MTF2: variants seen among roughly 807,000 people sequenced by gnomAD.
The protein encoded by MTF2 is metal-response element-binding transcription factor 2.
In MTF2, 11 loss-of-function variants were observed where a neutral mutation model predicts 79.5. The ratio of observed to expected loss-of-function variants is 0.14; its 90% CI spans 0.09 to 0.23. The LOEUF (loss-of-function observed/expected upper bound fraction) is 0.23, where lower values mean the gene tolerates loss of function less well. MTF2 is among the 10% of genes least tolerant of loss of function. MTF2 has a pLI of 1.00. For missense variants in MTF2, 486 were observed against 711.2 expected, an observed-to-expected ratio of 0.68 and a Z score of 3.60; for synonymous variants, 208 against 232.8, an observed-to-expected ratio of 0.89 and a Z score of 0.97.
At chr1:93,086,726 G>A (rs1654854124) in intron 1 of MTF2, among the ~76,000 whole-genome samples, 2 of 152,156 alleles carry the variant, frequency 1.3e-5, no homozygotes, top group Admixed American at 1.3e-4. Context: ...AGTTTTGTTG[G>A]TGTTTGAAGA....
At chr1:93,119,881 T>G (rs1440515557) in intron 8 of MTF2, 6 of 152,990 alleles carry the variant, frequency 3.9e-5, no homozygotes, top group African/African-American at 1.2e-4. Flanking sequence ...TCAAATAGTT[T>G]GGTTAAGTAT....
chr1:93,085,347 T>C (rs982380040), intron 1 of MTF2, among the ~76,000 whole-genome samples: 1 of 151,930 alleles, frequency 6.6e-6, no homozygotes, highest in Non-Finnish European at 1.5e-5. Context: ...GGCTAATTTT[T>C]TTGTATTTTT....
chr1:93,120,759 A>AT, intron 9 of MTF2, 87 bp downstream of exon 9: 1 of 1,538,748 alleles, frequency 6.5e-7, no homozygotes, highest in East Asian at 2.5e-5. Flanking sequence ...AGACACATGT[A>AT]TAAGTCAGAC....
At chr1:93,101,568 GTTTTTTTTTTTT>G (rs71586778) in intron 1 of MTF2, among the ~76,000 whole-genome samples, 13 of 25,398 alleles carry the variant, frequency 5.1e-4, no homozygotes, top group East Asian at 1.3e-3. Flanking sequence ...GCTCAGGCTG[GTTTTTTTTTTTT>G]TTTTTTTTTT....
intron 1 of MTF2, chr1:93,080,838 T>A (rs1654575172): frequency 6.6e-6 from 1 of 152,026 alleles, no homozygotes; most frequent in Admixed American, 6.6e-5. Context: ...TAAAATGTAA[T>A]TAAATTCACA....
chr1:93,092,451 C>G (rs1456506082), intron 1 of MTF2, among the ~76,000 whole-genome samples: 1 of 152,112 alleles, frequency 6.6e-6, no homozygotes, highest in Non-Finnish European at 1.5e-5. Flanking sequence ...AATTAAAAGG[C>G]TTTTTTACCA....
chr1:93,089,267 A>G (rs1654974523), intron 1 of MTF2, among the ~76,000 whole-genome samples: 1 of 152,176 alleles, frequency 6.6e-6, no homozygotes, highest in African/African-American at 2.4e-5. Flanking sequence ...ATAAATACAT[A>G]AATAAATTTG....
Position 93,129,363 on chromosome 1 carries a change from T to G in MTF2, c.1075T>G (p.Phe359Val), listed in dbSNP as rs913484771. ...TCCTCCTGTGCCACCAAATGTGGCT[T>G]TCAAAGCAGAGAAAGAACCTGAAGG... Reference protein sequence around the residue: ...RVPPVPPNVAFKAEKEPEGTS... With the variant: ...RVPPVPPNVAVKAEKEPEGTS... The change falls in exon 11 of 15, where the codon TTC becomes GTC. Residue 359 changes from phenylalanine to valine, a missense_variant. Physicochemically the swap from Phe to Val is conservative, Grantham distance 50. This residue lies in a region of MTF2 where 177 missense variants were observed against 364.0 expected (regional missense o/e 0.49). Coordinates refer to ENST00000370298, the MANE Select transcript of MTF2 (RefSeq NM_007358.4). The G allele has an allele frequency of 1.9e-6, 3 of 1,598,056 alleles. No homozygotes were observed. The highest frequency in any genetic ancestry group is 2.7e-5 in the African/African-American group (2 of 74,734).
chr1:93,118,140 A>G (rs1445457195), intron 6 of MTF2, among the ~76,000 whole-genome samples: 1 of 152,186 alleles, frequency 6.6e-6, no homozygotes, highest in African/African-American at 2.4e-5. Flanking sequence ...AATTTCATGA[A>G]TAAAAGAGAG....
At chr1:93,092,668 T>G (rs1407374256) in intron 1 of MTF2, among the ~76,000 whole-genome samples, 2 of 152,198 alleles carry the variant, frequency 1.3e-5, no homozygotes, top group African/African-American at 4.8e-5. Flanking sequence ...ATATTCTCTG[T>G]AACATAATGT....
chr1:93,134,215 A>AT lies in MTF2; in HGVS notation c.1424+28dup, dbSNP rs751006346. 373 of 1,526,384 alleles carry AT rather than the reference A, an allele frequency of 2.4e-4. 1 individual carries two copies. The highest frequency in any genetic ancestry group is 1.3e-3 in the South Asian group (109 of 84,288). The allele number at this position is 1,526,384 out of a possible 1,614,324, so 94.6% of individuals were successfully genotyped here. A position where few individuals can be genotyped will look rare whatever the true frequency, so the allele number is the denominator to read the frequency against. On this transcript the variant is annotated intron_variant, in intron 14 of 14. Transcript: ENST00000370298. ...TTATGGGTAGATATTTTACATTCTT[A>AT]TTTTTTTTACTTTTTTTACTCTAGA...
chr1:93,080,600 C>A (rs1468132040), intron 1 of MTF2, among the ~76,000 whole-genome samples: 2 of 152,204 alleles, frequency 1.3e-5, no homozygotes, highest in Non-Finnish European at 2.9e-5. Flanking sequence ...GAGGTCAGTA[C>A]AGAGCTAGAA....
chr1:93,126,243 G>A (rs1656692912), intron 9 of MTF2, among the ~76,000 whole-genome samples: 1 of 151,846 alleles, frequency 6.6e-6, no homozygotes. Context: ...TTGAGTTCAG[G>A]TTCTAGCTCT....
intron 1 of MTF2, among the ~76,000 whole-genome samples, chr1:93,095,633 C>T (rs992028349): frequency 6.7e-6 from 1 of 149,280 alleles, no homozygotes; most frequent in East Asian, 2.0e-4. Flanking sequence ...CGTGAGCCAC[C>T]CTGCCTGGCT....
rs1482578336 is a variant in MTF2 at position 93,137,352 on chromosome 1, T to C, written c.*325T>C. 1 of 195,152 alleles carries C rather than the reference T, an allele frequency of 5.1e-6. No individual in the cohort carries two copies. The highest frequency in any genetic ancestry group is 2.3e-5 in the African/African-American group (1 of 42,804). 12.1% of individuals were successfully genotyped at this position (195,152 alleles called of 1,614,324 possible). A position where few individuals can be genotyped will look rare whatever the true frequency, so the allele number is the denominator to read the frequency against. ...CTAATTATTCCATTGAGTCAGTTTT[T>C]TGTGATTAGTGATTATCAGAGCAAA... On this transcript the variant is annotated 3_prime_UTR_variant, in exon 15 of 15. Transcript: ENST00000370298.
intron 1 of MTF2, among the ~76,000 whole-genome samples, chr1:93,108,942 T>C: frequency 6.6e-6 from 1 of 152,218 alleles, no homozygotes; most frequent in East Asian, 1.9e-4. Flanking sequence ...TTATTTCACT[T>C]AGCATAATGT....
chr1:93,085,258 C>T (rs1654788202), intron 1 of MTF2, among the ~76,000 whole-genome samples: 1 of 150,780 alleles, frequency 6.6e-6, no homozygotes, highest in African/African-American at 2.4e-5. Flanking sequence ...TCAGTGCAAG[C>T]TCCGCCTCCC....
At chr1:93,122,186 T>C (rs1347945936) in intron 9 of MTF2, among the ~76,000 whole-genome samples, 1 of 152,168 alleles carries the variant, frequency 6.6e-6, no homozygotes, top group Non-Finnish European at 1.5e-5. Flanking sequence ...TTTTTATAAT[T>C]ATCTTAATAT....
intron 6 of MTF2, among the ~76,000 whole-genome samples, chr1:93,117,387 C>T (rs1473874573): frequency 6.6e-6 from 1 of 152,046 alleles, no homozygotes; most frequent in Non-Finnish European, 1.5e-5. Context: ...AACCCAAAAT[C>T]CATGTGCTAA....
Sources: gnomAD v4.1 joint callset for allele counts (sites outside exome capture counted in the v4.1 genomes callset) on GRCh38, gnomAD v4.1.1 for gene constraint, gnomAD v4.1.1 regional missense constraint, MANE v1.5 for transcripts, NCBI Gene and HGNC (gene_info 2026-07-23, HGNC 2026-07-21) for gene names.